The following EPB41L3 variants were observed in gnomAD, a reference collection of about 807,000 sequenced individuals.
The protein encoded by EPB41L3 is band 4.1-like protein 3.
In EPB41L3, 57 loss-of-function variants were observed where a neutral mutation model predicts 127.1. The ratio of observed to expected loss-of-function variants is 0.45; its 90% confidence interval spans 0.36 to 0.56. The LOEUF (loss-of-function observed/expected upper bound fraction) is 0.56. Ranked by LOEUF, EPB41L3 falls within the 20% of genes least tolerant of loss-of-function variation. EPB41L3 has a pLI of 0.00. For synonymous variants in EPB41L3, 572 were observed against 549.5 expected, an observed-to-expected ratio of 1.04 and a Z score of -0.57; for missense variants, 1,273 against 1,372.2, an observed-to-expected ratio of 0.93 and a Z score of 1.14.
chr18:5,453,597 G>A (rs1186131868), intron 3 of EPB41L3, among the ~76,000 whole-genome samples: 1 of 152,120 alleles, frequency 6.6e-6, no homozygotes, highest in African/African-American at 2.4e-5. Flanking sequence ...TGATGCTTCT[G>A]TATCCTTATT....
intron 3 of EPB41L3, among the ~76,000 whole-genome samples, chr18:5,457,974 G>A (rs897938274): frequency 3.9e-5 from 6 of 152,152 alleles, no homozygotes; most frequent in African/African-American, 1.4e-4. Flanking sequence ...TAGCCTACCT[G>A]TAAGCTATAT....
chr18:5,451,882 C>T (rs536857741), intron 3 of EPB41L3, among the ~76,000 whole-genome samples: 4 of 152,182 alleles, frequency 2.6e-5, no homozygotes, highest in South Asian at 2.1e-4. Context: ...TCTGTTGCCC[C>T]GGCTGGAGTC....
intron 16 of EPB41L3, chr18:5,400,613 A>T: frequency 2.2e-6 from 1 of 464,798 alleles, no homozygotes; most frequent in Non-Finnish European, 4.3e-6. Flanking sequence ...GGAAACCAAT[A>T]AGAATTCAGA....
At chr18:5,544,148 C>A (rs2093834128), upstream of EPB41L3, 1 of 985,514 alleles carries the variant, frequency 1.0e-6, no homozygotes. Context: ...CCTGCCCTCC[C>A]AGCCGCGGGG....
chr18:5,589,560 T>C (rs1166762358), intron 3 of EPB41L3, among the ~76,000 whole-genome samples: 1 of 152,210 alleles, frequency 6.6e-6, no homozygotes. Flanking sequence ...AGTGTAGTCT[T>C]ATCCAAATCT....
chr18:5,457,414 C>T (rs2146927411), intron 3 of EPB41L3, among the ~76,000 whole-genome samples: 1 of 151,712 alleles, frequency 6.6e-6, no homozygotes, highest in Non-Finnish European at 1.5e-5. Flanking sequence ...TATAAACCAG[C>T]TCTCCTTGCT....
chr18:5,537,974 T>C (rs2093619322), intron 1 of EPB41L3, among the ~76,000 whole-genome samples: 1 of 152,144 alleles, frequency 6.6e-6, no homozygotes, highest in Middle Eastern at 3.2e-3. Flanking sequence ...AAAAATTGCA[T>C]AGCCAAATGA....
intron 3 of EPB41L3, among the ~76,000 whole-genome samples, chr18:5,467,257 G>A (rs2085168675): frequency 2.6e-5 from 4 of 152,036 alleles, no homozygotes; most frequent in African/African-American, 7.2e-5. Flanking sequence ...GCATTGCTTC[G>A]AAGCTTTATT....
At chr18:5,580,606 A>G (rs2094384919) in intron 3 of EPB41L3, among the ~76,000 whole-genome samples, 1 of 152,188 alleles carries the variant, frequency 6.6e-6, no homozygotes, top group African/African-American at 2.4e-5. Context: ...GTATCAACAC[A>G]TATTCATACA....
At chr18:5,628,459 G>A (rs77972237) in intron 1 of EPB41L3, among the ~76,000 whole-genome samples, 1,541 of 152,352 alleles carry the variant, frequency 0.01, 25 homozygotes, top group African/African-American at 0.035. Flanking sequence ...CCTCCTGGCT[G>A]GGTTGGGTCC....
Position 5,393,196 on chromosome 18 carries a change from G to T in EPB41L3, c.*289C>A, listed in dbSNP as rs2072680805. ...TATATTGTTGGTTATGAACGTGCAG[G>T]TATAGCTGAAAACTGAGACATTTTG... On this transcript the variant is annotated 3_prime_UTR_variant, in exon 23 of 23. Transcript: ENST00000341928. 5.2e-6 allele frequency: 2 copies of T among 382,686 alleles called. No homozygotes were observed. Among genetic ancestry groups the T allele is most frequent in the Non-Finnish European group, 9.3e-6 (2 of 215,216 alleles). 23.7% of individuals were successfully genotyped at this position (382,686 alleles called of 1,614,324 possible). A position where few individuals can be genotyped will look rare whatever the true frequency, so the allele number is the denominator to read the frequency against.
intron 14 of EPB41L3, among the ~76,000 whole-genome samples, chr18:5,408,782 A>T (rs893561509): frequency 1.1e-4 from 16 of 152,148 alleles, no homozygotes; most frequent in African/African-American, 3.9e-4. Context: ...TGATTTTTCT[A>T]ATTTCAAGGA....
At position 5,428,414 on chromosome 18, in the gene EPB41L3, T is replaced by C; in HGVS notation, c.964A>G (p.Ile322Val). The C allele has an allele frequency of 6.2e-7, 1 of 1,614,216 alleles. No homozygotes were observed. The highest frequency in any genetic ancestry group is 1.6e-4 in the Middle Eastern group (1 of 6,062). The stretch of plus-strand genomic sequence containing the variant: ...TTTATTCGCAGCCGGTCGCGATATA[T>C]CAACAGACCACTTGCACAAACTCCT... Reference protein sequence around the residue: ...MLGVCASGLLIYRDRLRINRF... With the variant: ...MLGVCASGLLVYRDRLRINRF... The change falls in exon 9 of 23, where the codon ATA (isoleucine) becomes GTA (valine). Residue 322 changes from isoleucine (I) to valine (V), a missense_variant. Around this residue, in one of 3 missense-constraint regions of EPB41L3, gnomAD observed 326 missense variants for 440.2 expected, o/e 0.74. Coordinates refer to ENST00000341928, the MANE Select transcript of EPB41L3 (RefSeq NM_012307.5).
At chr18:5,491,989 C>G (rs1319835764) in intron 1 of EPB41L3, among the ~76,000 whole-genome samples, 1 of 152,118 alleles carries the variant, frequency 6.6e-6, no homozygotes, top group East Asian at 1.9e-4. Context: ...CAAGCAATAA[C>G]CTGATTTTTA....
At position 5,397,498 on chromosome 18, in the gene EPB41L3, C is replaced by T; in HGVS notation, c.2473-72G>A. ...AAGGTCAGAAAATAACTAAAGCTGC[C>T]ACTCGCCAGGATGTCTAAAGCCAGC... On this transcript the variant is annotated intron_variant, in intron 17 of 22. Transcript: ENST00000341928. The surrounding 1 kb of genome is among the most constrained non-coding windows in gnomAD (Gnocchi z 4.1). The T allele has an allele frequency of 6.7e-7, 1 of 1,501,262 alleles. No individual in the cohort carries two copies. Among genetic ancestry groups the T allele is most frequent in the Non-Finnish European group, 8.9e-7 (1 of 1,126,018 alleles). The allele number at this position is 1,501,262 out of a possible 1,614,324, so 93.0% of individuals were successfully genotyped here.
chr18:5,522,962 G>T (rs552283359), intron 1 of EPB41L3, among the ~76,000 whole-genome samples: 62 of 152,182 alleles, frequency 4.1e-4, no homozygotes, highest in African/African-American at 1.2e-3. Flanking sequence ...TGCAATACTA[G>T]TTAAAAGTGA....
rs147930423 is a variant in EPB41L3 at position 5,395,095 on chromosome 18, G to A, written c.3125C>T (p.Thr1042Met). 60 of 1,613,912 alleles carry A rather than the reference G, an allele frequency of 3.7e-5. No homozygotes were observed. In the Admixed American group the frequency reaches 5.0e-4, roughly 13 times the overall value. Residue 1042 changes from threonine (T) to methionine (M), a missense_variant, in exon 21 of 23, where the codon ACG (threonine) becomes ATG (methionine). Transcript: ENST00000341928. ...ETRIEKRIVI[T>M]GDADIDHDQA... ...GTCATGGTCAATGTCTGCATCCCCC[G>A]TGATGACTATTCGCTTCTCAATTCT...
intron 3 of EPB41L3, among the ~76,000 whole-genome samples, chr18:5,474,749 C>G (rs146075000): frequency 8.2e-4 from 125 of 152,182 alleles, no homozygotes; most frequent in Admixed American, 2.9e-3. Flanking sequence ...ACAATTCCAC[C>G]TCTTTCAGTC....
intron 5 of EPB41L3, among the ~76,000 whole-genome samples, chr18:5,441,620 C>A (rs373774435): frequency 6.6e-6 from 1 of 152,172 alleles, no homozygotes; most frequent in African/African-American, 2.4e-5. Context: ...CGCACGCCAC[C>A]ATGCCCGGCT....
Sources: allele counts gnomAD v4.1 joint callset (sites outside exome capture counted in the v4.1 genomes callset), GRCh38; gene constraint gnomAD v4.1.1; regional missense constraint gnomAD v4.1.1; non-coding constraint Gnocchi (gnomAD v3.1); transcripts MANE v1.5; gene names NCBI Gene and HGNC (gene_info 2026-07-23, HGNC 2026-07-21).